GCFC2: variants seen among roughly 807,000 people sequenced by gnomAD.
The protein encoded by GCFC2 is intron Large complex component GCFC2.
Under a neutral mutation model 99.4 loss-of-function variants are expected in GCFC2, and 102 were observed. That is an observed-to-expected ratio of 1.03 (90% CI 0.87 to 1.21). GCFC2 has a LOEUF of 1.21. Ranked by LOEUF, GCFC2 falls within the 50% of genes most tolerant of loss-of-function variation. The probability of loss-of-function intolerance (pLI) is 0.00; values close to 1 mark genes in which losing one functional copy is unlikely to be tolerated. For missense variants in GCFC2, 973 were observed against 920.9 expected (o/e 1.06, Z -0.73); for synonymous variants, 338 against 316.8 (o/e 1.07, Z -0.71).
At chr2:75,679,056 G>A (rs540959411) in intron 12 of GCFC2, among the ~76,000 whole-genome samples, 57 of 150,418 alleles carry the variant, frequency 3.8e-4, no homozygotes, top group African/African-American at 1.3e-3. Flanking sequence ...ACCTTACAGA[G>A]TGCCTAGTAC....
At chr2:75,665,522 A>G (rs1678796637) in intron 16 of GCFC2, among the ~76,000 whole-genome samples, 1 of 152,024 alleles carries the variant, frequency 6.6e-6, no homozygotes, top group Non-Finnish European at 1.5e-5. Context: ...AAGCCCCCAA[A>G]CAGCTGGTGC....
intron 3 of GCFC2, 195 bp downstream of exon 3, chr2:75,702,004 C>A (rs3088181): frequency 0.39 from 531,849 of 1,380,672 alleles, 103,174 homozygotes; most frequent in Admixed American, 0.41. Context: ...AACATTATTA[C>A]ACATACTCCT....
chr2:75,710,713 C>G lies in GCFC2; in HGVS notation c.143G>C (p.Gly48Ala), dbSNP rs749222869. ...PGSAEEEPPS[G>A]GGRAQVAGLP... ...TCCCGCCACCTGCGCGCGGCCTCCTCCAGAGGGCGGCTCTTCCTCCGCAGA... is the reference window on the plus strand; with the variant it reads ...TCCCGCCACCTGCGCGCGGCCTCCTGCAGAGGGCGGCTCTTCCTCCGCAGA... The change falls in exon 1 of 17, where the codon GGA (glycine) becomes GCA (alanine). Residue 48 changes from glycine (G) to alanine (A), a missense_variant. By Grantham distance (60) the Gly-to-Ala change is moderately conservative (BLOSUM62 0). Transcript: ENST00000321027. 6.5e-7 allele frequency: 1 copy of G among 1,546,382 alleles called. No homozygotes were observed. Among genetic ancestry groups the G allele is most frequent in the Admixed American group, 1.9e-5 (1 of 53,542 alleles).
At chr2:75,700,381 T>A (rs1680532194) in intron 4 of GCFC2, among the ~76,000 whole-genome samples, 1 of 152,098 alleles carries the variant, frequency 6.6e-6, no homozygotes, top group African/African-American at 2.4e-5. Flanking sequence ...TAAAAAATTA[T>A]ATGAGAAATC....
intron 12 of GCFC2, chr2:75,679,782 G>A (rs112841630): frequency 7.5e-6 from 3 of 399,822 alleles, no homozygotes; most frequent in African/African-American, 4.2e-5. Context: ...CAGGGCCAGT[G>A]TATATTCATA....
chr2:75,669,900 T>G, intron 15 of GCFC2: 1 of 245,486 alleles, frequency 4.1e-6, no homozygotes, highest in Non-Finnish European at 8.0e-6. Flanking sequence ...AATTTTTGTA[T>G]CTTTAGTAGA....
chr2:75,690,677 T>G lies in GCFC2; in HGVS notation c.1187A>C (p.Glu396Ala). ...CTCTTCTAAAATCCACTGAGTTTTT[T>G]CATCTACTGAGAAGTTTCCACTTGT... ...TSTSGNFSVD[E>A]KTQWILEEIE... is the part of the protein sequence containing the mutation. The change falls in exon 8 of 17, where the codon GAA becomes GCA. Residue 396 changes from glutamate to alanine, a missense_variant. Coordinates refer to ENST00000321027, the MANE Select transcript of GCFC2 (RefSeq NM_003203.5). 3 of 1,569,866 alleles carry G rather than the reference T, an allele frequency of 1.9e-6. No individual in the cohort carries two copies. Among genetic ancestry groups the G allele is most frequent in the Non-Finnish European group, 2.6e-6 (3 of 1,143,260 alleles).
At chr2:75,691,075 A>C (rs982277106) in intron 7 of GCFC2, among the ~76,000 whole-genome samples, 2 of 152,202 alleles carry the variant, frequency 1.3e-5, no homozygotes, top group African/African-American at 4.8e-5. Context: ...TTGCCAATAC[A>C]GGAGTCCCCC....
At chr2:75,702,600 G>A (rs751864379) in intron 2 of GCFC2, among the ~76,000 whole-genome samples, 177 bp from the exon 3 acceptor site, 17 of 152,156 alleles carry the variant, frequency 1.1e-4, no homozygotes, top group Non-Finnish European at 2.4e-4. Context: ...AAACTTAATA[G>A]AGATTAAATA....
intron 11 of GCFC2, among the ~76,000 whole-genome samples, chr2:75,681,419 C>T (rs1050573985): frequency 1.5e-4 from 23 of 150,424 alleles, no homozygotes; most frequent in East Asian, 1.9e-4. Flanking sequence ...GTTTTTCCCA[C>T]GGTCTTCGCA....
chr2:75,701,896 C>A, intron 3 of GCFC2: 1 of 1,076,000 alleles, frequency 9.3e-7, no homozygotes. Context: ...TATATTTATA[C>A]AGGTAAAAAC....
chr2:75,683,771 C>CAAAAAAAAAAAAAAAAAAAAAAAAAA (rs749580096), intron 11 of GCFC2, among the ~76,000 whole-genome samples: 1 of 60,424 alleles, frequency 1.7e-5, no homozygotes, highest in Non-Finnish European at 3.1e-5. Flanking sequence ...AAATGGAAAG[C>CAAAAAAAAAAAAAAAAAAAAAAAAAA]AAAAAAAAAA....
intron 11 of GCFC2, among the ~76,000 whole-genome samples, chr2:75,682,033 C>T (rs1363380799): frequency 6.6e-6 from 1 of 151,960 alleles, no homozygotes; most frequent in South Asian, 2.1e-4. Context: ...CAGACTTAAA[C>T]GTCCTTGCCT....
At chr2:75,673,138 A>G (rs13414361) in intron 13 of GCFC2, among the ~76,000 whole-genome samples, 5,675 of 151,814 alleles carry the variant, frequency 0.037, 313 homozygotes, top group African/African-American at 0.13. Context: ...GTGAAACCCC[A>G]TCTCTACTAA....
At position 75,706,528 on chromosome 2, in the gene GCFC2, G is replaced by C; in HGVS notation, c.389C>G (p.Ser130Ter). Residue 130 changes from serine (S) to a stop codon, truncating the protein, a stop_gained, in exon 2 of 17, where the codon TCA becomes TGA. Transcript: ENST00000321027. LOFTEE classifies it high-confidence loss of function. ...SSSLGEKELS[S>*]TVKIPDAAFI... The stretch of plus-strand genomic sequence containing the variant: ...AAATCATACAAATTACTAACCTGTT[G>C]ATGAAAGTTCTTTTTCTCCAAGAGA... 1 of 1,585,436 alleles carries C rather than the reference G, an allele frequency of 6.3e-7. No homozygotes were observed. The highest frequency in any genetic ancestry group is 8.6e-7 in the Non-Finnish European group (1 of 1,161,152).
At chr2:75,712,447 G>A (rs1258447695), upstream of GCFC2, among the ~76,000 whole-genome samples, 1 of 152,128 alleles carries the variant, frequency 6.6e-6, no homozygotes, top group African/African-American at 2.4e-5. Flanking sequence ...ATCTAGCTCA[G>A]GGATTGTAAA....
rs1377012418 is a variant in GCFC2 at position 75,706,605 on chromosome 2, A to G, written c.312T>C (p.His104=). The change falls in exon 2 of 17, where the codon CAT becomes CAC. Residue 104 remains histidine, a synonymous_variant. Coordinates refer to ENST00000321027, the MANE Select transcript of GCFC2 (RefSeq NM_003203.5). Reference sequence around the variant, plus strand: ...GATCATCCTTACTTTCTGAGGAGTGATGTATTTTATCCTCTTCATCTGTGG... The same window carrying G: ...GATCATCCTTACTTTCTGAGGAGTGGTGTATTTTATCCTCTTCATCTGTGG... ...DVSTDEEDKI[H]HSSESKDDQG... 6.3e-7 allele frequency: 1 copy of G among 1,590,982 alleles called. No homozygotes were observed.
chr2:75,709,744 A>G (rs1681046018), intron 1 of GCFC2, among the ~76,000 whole-genome samples: 1 of 152,238 alleles, frequency 6.6e-6, no homozygotes, highest in African/African-American at 2.4e-5. Flanking sequence ...GCAAATGTTA[A>G]TTAGCTCCAT....
At position 75,689,111 on chromosome 2, in the gene GCFC2, T is replaced by C. The variant is rs375499685; in HGVS notation, c.1454A>G (p.Tyr485Cys). 2.0e-4 allele frequency: 321 copies of C among 1,595,196 alleles called. No individual in the cohort carries two copies. The highest frequency in any genetic ancestry group is 2.6e-4 in the Non-Finnish European group (303 of 1,164,062). The change falls in exon 10 of 17, where the codon TAT becomes TGT. Residue 485 changes from tyrosine (Y) to cysteine (C), a missense_variant. Tyr to Cys is a radical substitution (Grantham distance 194, BLOSUM62 -2). Transcript: ENST00000321027. Reference protein sequence around the residue: ...QQWREKFPDSYYEAFISLCIP... With the variant: ...QQWREKFPDSCYEAFISLCIP... ...GCATAAACTAATGAAAGCTTCATAA[T>C]AGGAGTCAGGAAACTTTTCTCGCCA...
Sources: gnomAD v4.1 joint callset for allele counts (sites outside exome capture counted in the v4.1 genomes callset) on GRCh38, gnomAD v4.1.1 for gene constraint, MANE v1.5 for transcripts, NCBI Gene and HGNC (gene_info 2026-07-23, HGNC 2026-07-21) for gene names.